FRAS1: variants seen among roughly 807,000 people sequenced by gnomAD.
FRAS1 encodes the protein extracellular matrix organizing protein FRAS1.
Under a neutral mutation model 435.2 loss-of-function variants are expected in FRAS1, and 290 were observed. The ratio of observed to expected loss-of-function variants is 0.67; its 90% CI spans 0.61 to 0.73. The LOEUF (loss-of-function observed/expected upper bound fraction) is 0.73. FRAS1 is among the 30% of genes least tolerant of loss of function. FRAS1 has a pLI of 0.00. For missense variants in FRAS1, 4,860 were observed against 5,001.5 expected (o/e 0.97, Z 0.85); for synonymous variants, 1,800 against 1,851.0 (o/e 0.97, Z 0.71).
At chr4:78,241,888 C>G (rs1725017571) in intron 3 of FRAS1, among the ~76,000 whole-genome samples, 1 of 151,574 alleles carries the variant, frequency 6.6e-6, no homozygotes, top group Non-Finnish European at 1.5e-5. Flanking sequence ...GATCTAGACA[C>G]AGGTAGAAAA....
intron 2 of FRAS1, among the ~76,000 whole-genome samples, chr4:78,109,375 G>A (rs1291120940): frequency 6.9e-6 from 1 of 144,640 alleles, no homozygotes. Context: ...ACCGAATCCA[G>A]CAGCACATCA....
intron 2 of FRAS1, among the ~76,000 whole-genome samples, chr4:78,135,783 T>G (rs534913344): frequency 3.8e-4 from 58 of 152,338 alleles, no homozygotes; most frequent in African/African-American, 1.3e-3. Flanking sequence ...GTCATTTACA[T>G]TTCCACACAA....
intron 2 of FRAS1, among the ~76,000 whole-genome samples, chr4:78,087,563 C>T (rs1359969787): frequency 3.3e-5 from 5 of 152,158 alleles, no homozygotes; most frequent in Non-Finnish European, 5.9e-5. Flanking sequence ...AGCTGATAAG[C>T]AACTTCAGCA....
intron 2 of FRAS1, among the ~76,000 whole-genome samples, chr4:78,091,714 C>T (rs939339659): frequency 6.6e-6 from 1 of 151,724 alleles, no homozygotes; most frequent in East Asian, 1.9e-4. Context: ...TGGCTATTCA[C>T]AGGCAAGGTC....
At chr4:78,080,432 T>C (rs1223007424) in intron 2 of FRAS1, among the ~76,000 whole-genome samples, 1 of 152,204 alleles carries the variant, frequency 6.6e-6, no homozygotes, top group Non-Finnish European at 1.5e-5. Context: ...TCTTTGTAAC[T>C]GTATAGACTT....
At chr4:78,447,632 C>T (rs1718894635) in intron 43 of FRAS1, among the ~76,000 whole-genome samples, 1 of 152,116 alleles carries the variant, frequency 6.6e-6, no homozygotes, top group South Asian at 2.1e-4. Flanking sequence ...TAGTGTCTCT[C>T]TTAATTGAAA....
chr4:78,276,760 T>C (rs1578222961), intron 9 of FRAS1, among the ~76,000 whole-genome samples: 1 of 152,112 alleles, frequency 6.6e-6, no homozygotes, highest in Non-Finnish European at 1.5e-5. Flanking sequence ...TACTTGGGGG[T>C]CAGGGACCCA....
chr4:78,466,728 G>C (rs1293350255), intron 50 of FRAS1, among the ~76,000 whole-genome samples: 2 of 152,126 alleles, frequency 1.3e-5, no homozygotes, highest in Non-Finnish European at 2.9e-5. Flanking sequence ...TAGTATTACT[G>C]TTATTTCTTT....
At chr4:78,115,999 T>G (rs557623555) in intron 2 of FRAS1, among the ~76,000 whole-genome samples, 23 of 152,236 alleles carry the variant, frequency 1.5e-4, no homozygotes, top group South Asian at 2.1e-4. Flanking sequence ...ACACTGCTTT[T>G]AATGTGTCCC....
At chr4:78,336,332 G>A (rs1207815904) in intron 19 of FRAS1, among the ~76,000 whole-genome samples, 1 of 152,096 alleles carries the variant, frequency 6.6e-6, no homozygotes, top group Non-Finnish European at 1.5e-5. Flanking sequence ...CTATCCTTAG[G>A]TGCTTTCATC....
chr4:78,520,420 G>A (rs528551693), intron 67 of FRAS1, among the ~76,000 whole-genome samples: 14 of 151,290 alleles, frequency 9.3e-5, no homozygotes, highest in Non-Finnish European at 1.3e-4. Context: ...AAAAATACAA[G>A]AGTTTTCTTT....
At chr4:78,089,810 G>A (rs2109895808) in intron 2 of FRAS1, among the ~76,000 whole-genome samples, 1 of 152,006 alleles carries the variant, frequency 6.6e-6, no homozygotes, top group Non-Finnish European at 1.5e-5. Context: ...TTGTTACATA[G>A]AGAAATCGTG....
At chr4:78,487,986 A>C (rs1720223164) in intron 58 of FRAS1, among the ~76,000 whole-genome samples, 1 of 152,174 alleles carries the variant, frequency 6.6e-6, no homozygotes, top group Admixed American at 6.5e-5. Context: ...GAGTTATAAA[A>C]GAAGAGGCAT....
At chr4:78,143,128 T>G (rs1282130850) in intron 2 of FRAS1, among the ~76,000 whole-genome samples, 1 of 151,928 alleles carries the variant, frequency 6.6e-6, no homozygotes, top group Non-Finnish European at 1.5e-5. Context: ...ATATTAAAAA[T>G]AAGTATTCAG....
chr4:78,480,406 A>G (rs1220968409), intron 56 of FRAS1, among the ~76,000 whole-genome samples: 1 of 152,212 alleles, frequency 6.6e-6, no homozygotes, highest in Admixed American at 6.5e-5. Flanking sequence ...GATAGAGTGT[A>G]GAAGGTTTTA....
intron 1 of FRAS1, among the ~76,000 whole-genome samples, chr4:78,064,761 C>A (rs1739918807): frequency 6.6e-6 from 1 of 151,890 alleles, no homozygotes; most frequent in South Asian, 2.1e-4. Flanking sequence ...TAGACCAATT[C>A]TTTCCTGAGA....
intron 23 of FRAS1, among the ~76,000 whole-genome samples, chr4:78,371,937 A>G (rs1272832694): frequency 2.0e-5 from 3 of 152,170 alleles, no homozygotes; most frequent in African/African-American, 7.2e-5. Context: ...AGCCTAATCC[A>G]TATTTTTTAA....
chr4:78,447,573 G>A (rs1323960500), intron 43 of FRAS1, among the ~76,000 whole-genome samples: 1 of 152,006 alleles, frequency 6.6e-6, no homozygotes, highest in Non-Finnish European at 1.5e-5. Flanking sequence ...GTCCCACTGC[G>A]GTACATGACC....
rs1719653802 is a variant in FRAS1 at position 78,470,009 on chromosome 4, T to C, written c.7289T>C (p.Val2430Ala). The stretch of plus-strand genomic sequence containing the variant: ...ACAGCAGCACCTCAGCCGTTCCGAG[T>C]AGACATCCTCCCGGTAGATGATGGC... ...IMTAAPQPFR[V>A]DILPVDDGTP... The change falls in exon 51 of 74, where the codon GTA (valine) becomes GCA (alanine). Residue 2430 changes from valine to alanine, a missense_variant. By Grantham distance (64) the Val-to-Ala change is moderately conservative. Transcript: ENST00000512123. 1.2e-6 allele frequency: 2 copies of C among 1,613,644 alleles called. No homozygotes were observed. The highest frequency in any genetic ancestry group is 1.7e-6 in the Non-Finnish European group (2 of 1,179,766).
Sources: allele counts gnomAD v4.1 joint callset (sites outside exome capture counted in the v4.1 genomes callset), GRCh38; gene constraint gnomAD v4.1.1; transcripts MANE v1.5; gene names NCBI Gene and HGNC (gene_info 2026-07-23, HGNC 2026-07-21).